Variants in KIAA1549L observed in about 807,000 individuals in gnomAD.
The protein encoded by KIAA1549L is KIAA1549 like.
A neutral mutation model predicts 160.7 loss-of-function variants in KIAA1549L; 88 were observed. The observed-to-expected ratio is 0.55, with a 90% CI of 0.46 to 0.65. The LOEUF is 0.65. KIAA1549L is among the 30% of genes least tolerant of loss of function. The pLI, the probability that KIAA1549L is intolerant of heterozygous loss-of-function variation, is 0.00. For synonymous variants in KIAA1549L, 950 were observed against 976.7 expected (o/e 0.97, Z 0.51); for missense variants, 2,258 against 2,437.5 (o/e 0.93, Z 1.55).
intron 1 of KIAA1549L, among the ~76,000 whole-genome samples, chr11:33,452,031 T>A (rs1269911516): frequency 2.0e-5 from 3 of 152,214 alleles, no homozygotes; most frequent in Non-Finnish European, 2.9e-5. Flanking sequence ...CAAAAACCGA[T>A]GATTTTCCCC....
At chr11:33,492,725 T>A (rs770615532) in intron 1 of KIAA1549L, among the ~76,000 whole-genome samples, 29 of 152,170 alleles carry the variant, frequency 1.9e-4, no homozygotes, top group Non-Finnish European at 3.5e-4. Context: ...ATTAGATTTA[T>A]TATTGTCCCA....
intron 6 of KIAA1549L, among the ~76,000 whole-genome samples, chr11:33,554,360 C>T (rs750607701): frequency 6.6e-5 from 10 of 152,102 alleles, no homozygotes; most frequent in African/African-American, 1.4e-4. Flanking sequence ...TCAATTAGGA[C>T]GTGTTTGGTT....
At chr11:33,443,385 G>A (rs1367453209) in intron 1 of KIAA1549L, among the ~76,000 whole-genome samples, 2 of 151,896 alleles carry the variant, frequency 1.3e-5, no homozygotes, top group East Asian at 3.9e-4. Flanking sequence ...TTAGAGCCCT[G>A]TGTTTAAAGT....
chr11:33,407,692 T>C (rs1014413622), intron 1 of KIAA1549L, among the ~76,000 whole-genome samples: 1 of 152,148 alleles, frequency 6.6e-6, no homozygotes, highest in Non-Finnish European at 1.5e-5. Context: ...GAACTCACCA[T>C]TCACAAGTAC....
chr11:33,620,822 C>G (rs898920793), intron 16 of KIAA1549L, among the ~76,000 whole-genome samples: 1 of 151,994 alleles, frequency 6.6e-6, no homozygotes, highest in Admixed American at 6.6e-5. Flanking sequence ...ATAACTCACA[C>G]AAGCAAAACA....
intron 1 of KIAA1549L, among the ~76,000 whole-genome samples, chr11:33,525,230 C>G (rs1184849680): frequency 4.6e-5 from 7 of 152,108 alleles, no homozygotes; most frequent in Non-Finnish European, 7.4e-5. Flanking sequence ...GTAAGACAGC[C>G]CAAAAACTGT....
intron 1 of KIAA1549L, among the ~76,000 whole-genome samples, chr11:33,492,765 C>G (rs1175442781): frequency 6.6e-6 from 1 of 152,174 alleles, no homozygotes; most frequent in Non-Finnish European, 1.5e-5. Context: ...CTATCAAAAG[C>G]TATCCCACAC....
intron 11 of KIAA1549L, among the ~76,000 whole-genome samples, chr11:33,589,247 A>T (rs1254011057): frequency 1.3e-5 from 2 of 152,226 alleles, no homozygotes; most frequent in African/African-American, 4.8e-5. Flanking sequence ...CGATCATTAA[A>T]AAGTCAGGAA....
intron 13 of KIAA1549L, among the ~76,000 whole-genome samples, chr11:33,605,680 G>A (rs1417905413): frequency 1.3e-5 from 2 of 152,142 alleles, no homozygotes; most frequent in Non-Finnish European, 2.9e-5. Context: ...CTCTCAAGCA[G>A]ACAGGAGGAA....
intron 1 of KIAA1549L, among the ~76,000 whole-genome samples, chr11:33,438,847 G>GTTTT (rs35955927): frequency 1.4e-5 from 2 of 139,562 alleles, no homozygotes. Flanking sequence ...GGATTTGAAG[G>GTTTT]TTTTTTTTTT....
chr11:33,553,252 G>A (rs778734715), intron 6 of KIAA1549L, among the ~76,000 whole-genome samples: 8 of 151,684 alleles, frequency 5.3e-5, no homozygotes, highest in South Asian at 2.1e-4. Flanking sequence ...CTCCCTTCGC[G>A]GCCTCCCGAA....
Position 33,542,884 on chromosome 11 carries a change from G to A in KIAA1549L, c.1321G>A (p.Ala441Thr), listed in dbSNP as rs760595985. The A allele has an allele frequency of 6.2e-7, 1 of 1,613,974 alleles. No individual in the cohort carries two copies. Residue 441 changes from alanine (A) to threonine (T), a missense_variant, in exon 2 of 21, where the codon GCA (alanine) becomes ACA (threonine). By Grantham distance (58) the Ala-to-Thr change is moderately conservative (BLOSUM62 0). Transcript: ENST00000658780. ...MTSRKLASAT[A>T]NDSANPLHLS... ...CAGCAGAAAGCTAGCCTCTGCCACTGCAAATGACTCTGCTAACCCGCTGCA... is the reference window on the plus strand; with the variant it reads ...CAGCAGAAAGCTAGCCTCTGCCACTACAAATGACTCTGCTAACCCGCTGCA...
intron 16 of KIAA1549L, among the ~76,000 whole-genome samples, chr11:33,631,681 G>C (rs941712694): frequency 6.6e-6 from 1 of 152,118 alleles, no homozygotes; most frequent in Admixed American, 6.5e-5. Flanking sequence ...ACCTTCCCCA[G>C]CACCTTTTCC....
chr11:33,467,151 C>A (rs1192118943), intron 1 of KIAA1549L, among the ~76,000 whole-genome samples: 1 of 151,860 alleles, frequency 6.6e-6, no homozygotes, highest in Non-Finnish European at 1.5e-5. Flanking sequence ...TTCTTATTTT[C>A]TTTTCATAAC....
chr11:33,465,410 C>T (rs1852036399), intron 1 of KIAA1549L, among the ~76,000 whole-genome samples: 1 of 152,096 alleles, frequency 6.6e-6, no homozygotes, highest in Admixed American at 6.6e-5. Context: ...TATTCTCTGA[C>T]CCCAGAGCCT....
intron 20 of KIAA1549L, among the ~76,000 whole-genome samples, chr11:33,663,303 C>T (rs1852328431): frequency 6.6e-6 from 1 of 152,140 alleles, no homozygotes; most frequent in South Asian, 2.1e-4. Flanking sequence ...CTTCCAGGCT[C>T]AGCAGGAAAC....
At chr11:33,466,297 A>G (rs774989404) in intron 1 of KIAA1549L, among the ~76,000 whole-genome samples, 1 of 152,222 alleles carries the variant, frequency 6.6e-6, no homozygotes, top group Non-Finnish European at 1.5e-5. Flanking sequence ...CCCATCAAAA[A>G]GTGGGCAAAG....
At chr11:33,571,225 G>A (rs1855242415) in intron 9 of KIAA1549L, among the ~76,000 whole-genome samples, 1 of 152,246 alleles carries the variant, frequency 6.6e-6, no homozygotes, top group Admixed American at 6.5e-5. Flanking sequence ...GGAGGTTGCA[G>A]TTAGCTGAGA....
chr11:33,494,732 A>G (rs1440903800), intron 1 of KIAA1549L, among the ~76,000 whole-genome samples: 2 of 152,208 alleles, frequency 1.3e-5, no homozygotes, highest in South Asian at 2.1e-4. Flanking sequence ...ATTGTGTTGC[A>G]AATCCGGAAA....
Sources: gnomAD v4.1 joint callset for allele counts (sites outside exome capture counted in the v4.1 genomes callset) on GRCh38, gnomAD v4.1.1 for gene constraint, MANE v1.5 for transcripts, NCBI Gene and HGNC (gene_info 2026-07-23, HGNC 2026-07-21) for gene names.